The following RHOJ variants were observed in gnomAD, a reference collection of about 807,000 sequenced individuals.
The protein encoded by RHOJ is rho-related GTP-binding protein RhoJ.
Under a neutral mutation model 23.4 loss-of-function variants are expected in RHOJ, and 11 were observed. That is an observed-to-expected ratio of 0.47 (90% CI 0.30 to 0.78). RHOJ has a LOEUF of 0.78. Among genes scored for constraint, RHOJ ranks in the 30% least tolerant of loss-of-function variants. RHOJ has a pLI of 0.08. For missense variants in RHOJ, 254 were observed against 273.4 expected (o/e 0.93, Z 0.50); for synonymous variants, 102 against 102.7 (o/e 0.99, Z 0.04).
intron 1 of RHOJ, among the ~76,000 whole-genome samples, chr14:63,234,068 G>A (rs1894744030): frequency 6.6e-6 from 1 of 152,172 alleles, no homozygotes; most frequent in African/African-American, 2.4e-5. Flanking sequence ...CACCTGGTGT[G>A]TACAACCGTC....
chr14:63,224,951 C>CTTTT (rs34008880), intron 1 of RHOJ, among the ~76,000 whole-genome samples: 1 of 113,800 alleles, frequency 8.8e-6, no homozygotes, highest in South Asian at 3.0e-4. Context: ...ATCATTTATA[C>CTTTT]TTTTTTTTTT....
At chr14:63,218,553 C>A (rs1297844170) in intron 1 of RHOJ, among the ~76,000 whole-genome samples, 1 of 152,150 alleles carries the variant, frequency 6.6e-6, no homozygotes, top group African/African-American at 2.4e-5. Context: ...TATTCCACCT[C>A]ATCTTAAGTT....
At chr14:63,256,151 A>T (rs1471077048) in intron 1 of RHOJ, among the ~76,000 whole-genome samples, 1 of 152,046 alleles carries the variant, frequency 6.6e-6, no homozygotes, top group Non-Finnish European at 1.5e-5. Context: ...TGGCCTTCTG[A>T]AGCACCAGGA....
intron 1 of RHOJ, among the ~76,000 whole-genome samples, chr14:63,262,178 G>A (rs1267961765): frequency 6.6e-6 from 1 of 152,204 alleles, no homozygotes; most frequent in Non-Finnish European, 1.5e-5. Flanking sequence ...CCAACCCAAT[G>A]AGGAAGGGGC....
chr14:63,278,499 C>T (rs939803289), intron 2 of RHOJ, among the ~76,000 whole-genome samples: 2 of 152,012 alleles, frequency 1.3e-5, no homozygotes, highest in Non-Finnish European at 1.5e-5. Context: ...CATAGGTATA[C>T]ACGTGCCATG....
chr14:63,205,536 T>G (rs948978148), intron 1 of RHOJ, among the ~76,000 whole-genome samples: 4 of 152,226 alleles, frequency 2.6e-5, no homozygotes, highest in Non-Finnish European at 5.9e-5. Context: ...TCTATAACAA[T>G]TGGTGCTATA....
In RHOJ at chr14:63,291,304, G is replaced by A. The variant is rs1005817466; in HGVS notation, c.*280G>A. The A allele has an allele frequency of 4.6e-5, 20 of 434,464 alleles. No individual in the cohort carries two copies. In the East Asian group the frequency reaches 9.1e-4, roughly 20 times the overall value. The allele number at this position is 434,464 out of a possible 1,614,324, so 26.9% of individuals were successfully genotyped here. A position where few individuals can be genotyped will look rare whatever the true frequency, so the allele number is the denominator to read the frequency against. The stretch of plus-strand genomic sequence containing the variant: ...TGATCGCATCAAAAACAAAGTCAAA[G>A]GCCATCTCACATTTTACAAATCCCC... On this transcript the variant is annotated 3_prime_UTR_variant, in exon 5 of 5. Coordinates refer to ENST00000316754, the MANE Select transcript of RHOJ (RefSeq NM_020663.5).
chr14:63,274,329 G>A (rs1881646114), intron 2 of RHOJ, among the ~76,000 whole-genome samples: 1 of 152,172 alleles, frequency 6.6e-6, no homozygotes, highest in South Asian at 2.1e-4. Context: ...GGGATTTTCA[G>A]GAGTAGGCAA....
chr14:63,254,143 C>T (rs757527036), intron 1 of RHOJ, among the ~76,000 whole-genome samples: 7 of 152,134 alleles, frequency 4.6e-5, no homozygotes, highest in East Asian at 3.9e-4. Flanking sequence ...AGCATTGTCT[C>T]GGCTGTCAGT....
chr14:63,259,344 A>G (rs1485349846), intron 1 of RHOJ, among the ~76,000 whole-genome samples: 1 of 152,176 alleles, frequency 6.6e-6, no homozygotes, highest in Non-Finnish European at 1.5e-5. Context: ...CCAAATATGC[A>G]CAAGGCATCT....
chr14:63,283,372 G>A, intron 4 of RHOJ, 156 bp downstream of exon 4: 2 of 627,066 alleles, frequency 3.2e-6, no homozygotes, highest in Admixed American at 2.6e-5. Flanking sequence ...TTCTAGTCGG[G>A]CTGGAAGGAG....
chr14:63,278,808 G>C (rs993255762), intron 2 of RHOJ, among the ~76,000 whole-genome samples: 9 of 151,980 alleles, frequency 5.9e-5, no homozygotes, highest in Non-Finnish European at 1.2e-4. Context: ...AACACAGTGA[G>C]ACCCCCATCT....
intron 4 of RHOJ, among the ~76,000 whole-genome samples, chr14:63,284,613 G>C (rs1038474335): frequency 6.6e-6 from 1 of 152,180 alleles, no homozygotes; most frequent in Admixed American, 6.5e-5. Flanking sequence ...ATGGGTTTAT[G>C]CCTGTAGGTG....
chr14:63,213,160 G>T (rs1302424669), intron 1 of RHOJ, among the ~76,000 whole-genome samples: 5 of 152,096 alleles, frequency 3.3e-5, no homozygotes, highest in Non-Finnish European at 1.5e-5. Flanking sequence ...AGATTTAGAG[G>T]GTACATGTGC....
chr14:63,207,035 CTTT>C (rs200555463), intron 1 of RHOJ, among the ~76,000 whole-genome samples: 4 of 141,058 alleles, frequency 2.8e-5, no homozygotes, highest in Admixed American at 7.1e-5. Flanking sequence ...CTTTTCTTTT[CTTT>C]TTTTTTTTTT....
chr14:63,278,501 C>T (rs189450583), intron 2 of RHOJ, among the ~76,000 whole-genome samples: 1 of 151,972 alleles, frequency 6.6e-6, no homozygotes, highest in Non-Finnish European at 1.5e-5. Context: ...TAGGTATACA[C>T]GTGCCATGGT....
chr14:63,239,203 C>A (rs1277982832), intron 1 of RHOJ, among the ~76,000 whole-genome samples: 3 of 152,154 alleles, frequency 2.0e-5, no homozygotes, highest in Non-Finnish European at 4.4e-5. Flanking sequence ...CCTCCGCCTC[C>A]CAGATTCAAG....
At chr14:63,222,559 A>C (rs1406650526) in intron 1 of RHOJ, among the ~76,000 whole-genome samples, 1 of 152,082 alleles carries the variant, frequency 6.6e-6, no homozygotes, top group Non-Finnish European at 1.5e-5. Context: ...TGTGATTTGC[A>C]TTTCTCTGAT....
chr14:63,230,462 C>T (rs1252730730), intron 1 of RHOJ, among the ~76,000 whole-genome samples: 1 of 151,958 alleles, frequency 6.6e-6, no homozygotes, highest in Non-Finnish European at 1.5e-5. Context: ...TGACATTGCT[C>T]TTCTATATAA....
Sources: gnomAD v4.1 joint callset for allele counts (sites outside exome capture counted in the v4.1 genomes callset) on GRCh38, gnomAD v4.1.1 for gene constraint, MANE v1.5 for transcripts, NCBI Gene and HGNC (gene_info 2026-07-23, HGNC 2026-07-21) for gene names.